The following SACS variants were observed in gnomAD, a reference collection of about 807,000 sequenced individuals.
SACS encodes the protein sacsin molecular chaperone.
A neutral mutation model predicts 348.0 loss-of-function variants in SACS; 197 were observed. The observed-to-expected ratio is 0.57, with a 90% CI of 0.50 to 0.64. SACS has a LOEUF of 0.64. Ranked by LOEUF, SACS falls within the 30% of genes least tolerant of loss-of-function variation. The probability of loss-of-function intolerance (pLI) is 0.00; values close to 1 mark genes in which losing one functional copy is unlikely to be tolerated. For synonymous variants in SACS, 1,985 were observed against 1,910.6 expected, an observed-to-expected ratio of 1.04 and a Z score of -1.02; for missense variants, 4,999 against 5,360.8, an observed-to-expected ratio of 0.93 and a Z score of 2.11.
chr13:23,425,835 C>T (rs981782480), intron 1 of SACS, among the ~76,000 whole-genome samples: 1 of 152,102 alleles, frequency 6.6e-6, no homozygotes, highest in Non-Finnish European at 1.5e-5. Flanking sequence ...AGAGCATGGC[C>T]GCCGGGGGTC....
At chr13:23,379,343 G>C (rs900552177) in intron 2 of SACS, among the ~76,000 whole-genome samples, 1 of 152,206 alleles carries the variant, frequency 6.6e-6, no homozygotes, top group African/African-American at 2.4e-5. Context: ...TCCCGACAAA[G>C]AAGCCTGGTG....
chr13:23,331,954 C>T lies in SACS; in HGVS notation c.11922G>A (p.Leu3974=). Residue 3974 remains leucine (L), a synonymous_variant, in exon 10 of 10, where the codon TTG becomes TTA. Transcript: ENST00000382292. The part of the protein sequence containing the change: ...LFPQKLRPRL[L]SSILEEQLDE... ...CTAATTGTTCTTCAAGTATACTGCTCAATAATCGAGGTCTAAGTTTTTGAG... is the reference window on the plus strand; with the variant it reads ...CTAATTGTTCTTCAAGTATACTGCTTAATAATCGAGGTCTAAGTTTTTGAG... 1 of 1,614,060 alleles carries T rather than the reference C, an allele frequency of 6.2e-7. No homozygotes were observed. The highest frequency in any genetic ancestry group is 8.5e-7 in the Non-Finnish European group (1 of 1,179,962).
chr13:23,424,261 C>T (rs1201357253), intron 1 of SACS, among the ~76,000 whole-genome samples: 6 of 152,206 alleles, frequency 3.9e-5, no homozygotes, highest in Non-Finnish European at 7.3e-5. Flanking sequence ...CATGGTGGCT[C>T]ACGCCTATAA....
In SACS at chr13:23,433,143, C is replaced by T. The variant is rs114012792; in HGVS notation, c.-502+472G>A. Among the ~76,000 whole-genome samples, 1,208 of 152,246 alleles carry T rather than the reference C, an allele frequency of 7.9e-3. 17 individuals are homozygous for T. The highest frequency in any genetic ancestry group is 0.024 in the African/African-American group (992 of 41,536). On this transcript the variant is annotated intron_variant, in intron 1 of 9. Coordinates refer to ENST00000382292, the MANE Select transcript of SACS (RefSeq NM_014363.6). ...GCTGTTTAAAGTGAGAGCAATTCTGCAAATTAACCGTAAGCTACTTTGAGA... is the reference window on the plus strand; with the variant it reads ...GCTGTTTAAAGTGAGAGCAATTCTGTAAATTAACCGTAAGCTACTTTGAGA...
chr13:23,408,699 C>T (rs1434536204), intron 2 of SACS, among the ~76,000 whole-genome samples: 1 of 152,188 alleles, frequency 6.6e-6, no homozygotes, highest in Non-Finnish European at 1.5e-5. Flanking sequence ...GGCACAGTGG[C>T]TCACGCCTGG....
At chr13:23,364,848 G>A (rs570400767) in intron 6 of SACS, among the ~76,000 whole-genome samples, 2 of 152,122 alleles carry the variant, frequency 1.3e-5, no homozygotes, top group Non-Finnish European at 2.9e-5. Flanking sequence ...CCAAATGCAG[G>A]AAAGTGTTAC....
In SACS at chr13:23,353,779, T is replaced by C; in HGVS notation, c.2185+6A>G. The C allele has an allele frequency of 6.5e-7, 1 of 1,527,142 alleles. No homozygotes were observed. Among genetic ancestry groups the C allele is most frequent in the Non-Finnish European group, 9.1e-7 (1 of 1,102,358 alleles). The allele number at this position is 1,527,142 out of a possible 1,614,324, so 94.6% of individuals were successfully genotyped here. On this transcript the variant is annotated splice_donor_region_variant and intron_variant, in intron 9 of 9. Transcript: ENST00000382292. ...GTTTATTTAAAAGAATACTAAACTA[T>C]AATACCTCGGGTTTGGGCAGCTTCC...
Position 23,336,258 on chromosome 13 carries a change from G to A in SACS, c.7618C>T (p.Pro2540Ser). 5 of 1,613,996 alleles carry A rather than the reference G, an allele frequency of 3.1e-6. No homozygotes were observed. Among genetic ancestry groups the A allele is most frequent in the Non-Finnish European group, 4.2e-6 (5 of 1,179,952 alleles). The change falls in exon 10 of 10, where the codon CCT becomes TCT. Residue 2540 changes from proline to serine, a missense_variant. By Grantham distance (74) the Pro-to-Ser change is moderately conservative (BLOSUM62 -1). Transcript: ENST00000382292. ...SRIKSILNAY[P>S]SEKEMLKELL... Reference sequence around the variant, plus strand: ...TCTTTCAACATTTCCTTTTCAGAAGGATATGCATTAAGGATGCTCTTAATT... The same window carrying A: ...TCTTTCAACATTTCCTTTTCAGAAGAATATGCATTAAGGATGCTCTTAATT...
chr13:23,385,036 C>T (rs570078694), intron 2 of SACS, among the ~76,000 whole-genome samples: 1 of 151,814 alleles, frequency 6.6e-6, no homozygotes, highest in African/African-American at 2.4e-5. Context: ...CCGAGGTAGG[C>T]AGATCACGAG....
In SACS at chr13:23,339,638, T is replaced by C; in HGVS notation, c.4238A>G (p.Glu1413Gly). The change falls in exon 10 of 10, where the codon GAA becomes GGA. Residue 1413 changes from glutamate (E) to glycine (G), a missense_variant. This residue lies in a region of SACS where 3,156 missense variants were observed against 3,380.1 expected (regional missense o/e 0.93). Transcript: ENST00000382292. ...IKVDDLNDLL[E>G]DSVEPIILVH... ...CAAAATGATTGGTTCCACAGAATCT[T>C]CAAGTAAGTCATTAAGGTCATCAAC... The C allele has an allele frequency of 6.2e-7, 1 of 1,612,504 alleles. No individual in the cohort carries two copies. Among genetic ancestry groups the C allele is most frequent in the Non-Finnish European group, 8.5e-7 (1 of 1,178,846 alleles).
chr13:23,333,776 T>A lies in SACS; in HGVS notation c.10100A>T (p.Tyr3367Phe). Residue 3367 changes from tyrosine to phenylalanine, a missense_variant, in exon 10 of 10, where the codon TAT becomes TTT. Tyr to Phe is a conservative substitution (Grantham distance 22, BLOSUM62 3). Coordinates refer to ENST00000382292, the MANE Select transcript of SACS (RefSeq NM_014363.6). ...SPTSILKALH[Y>F]MVQTSTFRAE... is the part of the protein sequence containing the mutation. Reference sequence around the variant, plus strand: ...TCTAAATGTTGAAGTTTGGACCATATAATGTAGAGCCTTCAAGATGCTTGT... The same window carrying A: ...TCTAAATGTTGAAGTTTGGACCATAAAATGTAGAGCCTTCAAGATGCTTGT... 1 of 1,613,846 alleles carries A rather than the reference T, an allele frequency of 6.2e-7. No individual in the cohort carries two copies. Among genetic ancestry groups the A allele is most frequent in the Non-Finnish European group, 8.5e-7 (1 of 1,179,810 alleles).
intron 2 of SACS, among the ~76,000 whole-genome samples, chr13:23,405,030 G>C (rs1441161566): frequency 6.6e-6 from 1 of 151,998 alleles, no homozygotes; most frequent in Non-Finnish European, 1.5e-5. Flanking sequence ...AGCTACCATT[G>C]ATTTTCTTCA....
At position 23,354,725 on chromosome 13, in the gene SACS, C is replaced by A. The variant is rs772895627; in HGVS notation, c.1887G>T (p.Ala629=). ...GTTPVRKVTP[A]WVRQVLRKCA... ...ACTTCCGCAGCACCTGCCGCACCCA[C>A]GCGGGCGTCACCTTCCTCACAGGTG... The change falls in exon 8 of 10, where the codon GCG becomes GCT. Residue 629 remains alanine, a synonymous_variant. Transcript: ENST00000382292. The A allele has an allele frequency of 5.0e-6, 8 of 1,613,508 alleles. No individual in the cohort carries two copies. The Admixed American group carries it at 1.3e-4, about 27-fold the overall frequency.
At chr13:23,409,359 T>G (rs1434180797) in intron 2 of SACS, among the ~76,000 whole-genome samples, 36 of 148,732 alleles carry the variant, frequency 2.4e-4, no homozygotes, top group African/African-American at 8.7e-4. Flanking sequence ...TGGCCGTTTT[T>G]TTTTTTTTTT....
At position 23,354,765 on chromosome 13, in the gene SACS, G is replaced by A; in HGVS notation, c.1847C>T (p.Ala616Val). 1.2e-6 allele frequency: 2 copies of A among 1,614,066 alleles called. No individual in the cohort carries two copies. Among genetic ancestry groups the A allele is most frequent in the African/African-American group, 2.7e-5 (2 of 75,064 alleles). ...GNVDAAVQLT[A>V]ASGTTPVRKV... Reference sequence around the variant, plus strand: ...CCTCACAGGTGTTGTGCCAGAGGCAGCTGTGAGCTGAACAGCAGCATCCAC... The same window carrying A: ...CCTCACAGGTGTTGTGCCAGAGGCAACTGTGAGCTGAACAGCAGCATCCAC... Residue 616 changes from alanine to valine, a missense_variant, in exon 8 of 10, where the codon GCT (alanine) becomes GTT (valine). Coordinates refer to ENST00000382292, the MANE Select transcript of SACS (RefSeq NM_014363.6).
intron 6 of SACS, among the ~76,000 whole-genome samples, chr13:23,364,373 C>T (rs1356931926): frequency 6.6e-6 from 1 of 152,132 alleles, no homozygotes; most frequent in Admixed American, 6.5e-5. Flanking sequence ...CTCCGCCTCC[C>T]GAGTTCAAGC....
intron 1 of SACS, among the ~76,000 whole-genome samples, chr13:23,429,640 G>A (rs1174975401): frequency 1.3e-5 from 2 of 151,736 alleles, no homozygotes; most frequent in African/African-American, 4.8e-5. Flanking sequence ...TGGGATTACA[G>A]GCGTGAGCCA....
chr13:23,430,192 A>C (rs1435036232), intron 1 of SACS, among the ~76,000 whole-genome samples: 1 of 152,028 alleles, frequency 6.6e-6, no homozygotes, highest in Non-Finnish European at 1.5e-5. Flanking sequence ...TGGGTGACAG[A>C]GTTAGACAAC....
chr13:23,344,088 A>T (rs1450680697), intron 9 of SACS, among the ~76,000 whole-genome samples: 1 of 152,200 alleles, frequency 6.6e-6, no homozygotes, highest in East Asian at 1.9e-4. Context: ...ATATAATTTT[A>T]CAACATTGTT....
Sources: gnomAD v4.1 joint callset for allele counts (sites outside exome capture counted in the v4.1 genomes callset) on GRCh38, gnomAD v4.1.1 for gene constraint, gnomAD v4.1.1 regional missense constraint, MANE v1.5 for transcripts, NCBI Gene and HGNC (gene_info 2026-07-23, HGNC 2026-07-21) for gene names.